Variants in FAM241A observed in about 807,000 individuals in gnomAD.
FAM241A encodes uncharacterized protein FAM241A.
A neutral mutation model predicts 12.2 loss-of-function variants in FAM241A; 7 were observed. That is an observed-to-expected ratio of 0.58 (90% CI 0.33 to 1.08). The LOEUF is 1.08. Ranked by LOEUF, FAM241A falls within the 50% of genes least tolerant of loss-of-function variation. The probability of loss-of-function intolerance (pLI) is 0.04; values close to 1 mark genes in which losing one functional copy is unlikely to be tolerated. For synonymous variants in FAM241A, 74 were observed against 68.2 expected, an observed-to-expected ratio of 1.08 and a Z score of -0.42; for missense variants, 161 against 169.7, an observed-to-expected ratio of 0.95 and a Z score of 0.29.
chr4:112,162,479 A>G (rs1723495982), intron 1 of FAM241A, among the ~76,000 whole-genome samples: 2 of 152,254 alleles, frequency 1.3e-5, no homozygotes, highest in Non-Finnish European at 2.9e-5. Context: ...ATACAAAATC[A>G]ATGTGCAAAA....
rs958796905 is a variant in FAM241A at position 112,187,094 on chromosome 4, C to T, written c.*156C>T. 124 of 754,548 alleles carry T rather than the reference C, an allele frequency of 1.6e-4. No homozygotes were observed. Among genetic ancestry groups the T allele is most frequent in the Non-Finnish European group, 2.5e-4 (115 of 460,192 alleles). 46.7% of individuals were successfully genotyped at this position (754,548 alleles called of 1,614,324 possible). On this transcript the variant is annotated 3_prime_UTR_variant, in exon 2 of 2. Transcript: ENST00000309733. ...ATTTATACATGGATGTCACTTAAAA[C>T]TAAACTCTTGATCATAACAGGGTTG...
chr4:112,162,891 C>T (rs1723507405), intron 1 of FAM241A, among the ~76,000 whole-genome samples: 1 of 152,292 alleles, frequency 6.6e-6, no homozygotes, highest in African/African-American at 2.4e-5. Context: ...GGAGGCATCA[C>T]ACTACCTGAC....
chr4:112,190,346 A>C lies in FAM241A; in HGVS notation c.*3408A>C, dbSNP rs995560364. On this transcript the variant is annotated 3_prime_UTR_variant, in exon 2 of 2. Coordinates refer to ENST00000309733, the MANE Select transcript of FAM241A (RefSeq NM_152400.3). The stretch of plus-strand genomic sequence containing the variant: ...AATTTCAGGTGTTTAAAATGCTTTC[A>C]TTACCAATTTATGGCTTTACAATTG... The C allele has an allele frequency of 1.3e-5, 2 of 152,058 alleles. No individual in the cohort carries two copies. The highest frequency in any genetic ancestry group is 2.9e-5 in the Non-Finnish European group (2 of 68,000). The allele number at this position is 152,058 out of a possible 1,614,324, so 9.4% of individuals were successfully genotyped here. A position where few individuals can be genotyped will look rare whatever the true frequency, so the allele number is the denominator to read the frequency against.
intron 1 of FAM241A, among the ~76,000 whole-genome samples, chr4:112,158,404 C>G (rs1419222051): frequency 6.6e-6 from 1 of 152,024 alleles, no homozygotes; most frequent in Non-Finnish European, 1.5e-5. Context: ...CTTTTTCTGG[C>G]TAGCATATAC....
chr4:112,175,082 T>TATC (rs1723793044), intron 1 of FAM241A, among the ~76,000 whole-genome samples: 1 of 152,220 alleles, frequency 6.6e-6, no homozygotes, highest in Non-Finnish European at 1.5e-5. Flanking sequence ...CTATTATTAT[T>TATC]ATCATCATCT....
At chr4:112,162,183 A>T (rs1039793978) in intron 1 of FAM241A, among the ~76,000 whole-genome samples, 8 of 152,250 alleles carry the variant, frequency 5.3e-5, no homozygotes, top group Non-Finnish European at 1.0e-4. Flanking sequence ...GCTATTTATG[A>T]CAGACCCACA....
At chr4:112,186,221 A>G (rs901478889) in intron 1 of FAM241A, among the ~76,000 whole-genome samples, 1 of 152,190 alleles carries the variant, frequency 6.6e-6, no homozygotes, top group Non-Finnish European at 1.5e-5. Flanking sequence ...TAGGGCATCT[A>G]TATAATGAAC....
chr4:112,150,020 A>G (rs923729268), intron 1 of FAM241A, among the ~76,000 whole-genome samples: 13 of 152,014 alleles, frequency 8.6e-5, no homozygotes, highest in Non-Finnish European at 1.5e-5. Context: ...CTTTCTATAC[A>G]TATTAAGAAA....
intron 1 of FAM241A, among the ~76,000 whole-genome samples, chr4:112,156,258 C>T (rs1723351149): frequency 6.6e-6 from 1 of 152,154 alleles, no homozygotes; most frequent in Non-Finnish European, 1.5e-5. Flanking sequence ...GCCTGGAACT[C>T]TTCCCCCAGA....
rs1199136790 is a variant in FAM241A, at chr4:112,188,871, G to A, written c.*1933G>A. 6.6e-6 allele frequency: 1 copy of A among 151,378 alleles called. No individual in the cohort carries two copies. The highest frequency in any genetic ancestry group is 1.9e-4 in the East Asian group (1 of 5,164). 9.4% of individuals were successfully genotyped at this position (151,378 alleles called of 1,614,324 possible). ...TACATCTGCACACTGGTGTTAATAGGGTATATATTAAATTATATAAAGAAA... is the reference window on the plus strand; with the variant it reads ...TACATCTGCACACTGGTGTTAATAGAGTATATATTAAATTATATAAAGAAA... On this transcript the variant is annotated 3_prime_UTR_variant, in exon 2 of 2. Transcript: ENST00000309733.
intron 1 of FAM241A, among the ~76,000 whole-genome samples, chr4:112,176,353 A>G (rs1289545517): frequency 6.6e-6 from 1 of 152,222 alleles, no homozygotes; most frequent in Non-Finnish European, 1.5e-5. Flanking sequence ...TGCTTATTCA[A>G]AAAGGTTTTA....
At chr4:112,160,443 A>G (rs542375588) in intron 1 of FAM241A, among the ~76,000 whole-genome samples, 24 of 151,856 alleles carry the variant, frequency 1.6e-4, no homozygotes, top group African/African-American at 5.8e-4. Context: ...ATGTTCATGG[A>G]TTGGAAGAAT....
chr4:112,147,565 A>G (rs1723164783), intron 1 of FAM241A, among the ~76,000 whole-genome samples: 1 of 152,244 alleles, frequency 6.6e-6, no homozygotes. Flanking sequence ...TGTAAATGAA[A>G]TTATGCATTG....
At position 112,192,567 on chromosome 4, in the gene FAM241A, A is replaced by G. The variant is rs1208427944; in HGVS notation, c.*5629A>G. 4 of 143,188 alleles carry G rather than the reference A, an allele frequency of 2.8e-5. No homozygotes were observed. Among genetic ancestry groups the G allele is most frequent in the Admixed American group, 2.2e-4 (3 of 13,378 alleles). 8.9% of individuals were successfully genotyped at this position (143,188 alleles called of 1,614,324 possible). On this transcript the variant is annotated 3_prime_UTR_variant, in exon 2 of 2. Coordinates refer to ENST00000309733, the MANE Select transcript of FAM241A (RefSeq NM_152400.3). The stretch of plus-strand genomic sequence containing the variant: ...TGTGTCCATGTGTTCTCATTGTTCA[A>G]TTCCCATCTATGAGTGAGAACATGT...
chr4:112,168,512 G>T (rs1446782749), intron 1 of FAM241A, among the ~76,000 whole-genome samples: 1 of 152,014 alleles, frequency 6.6e-6, no homozygotes, highest in African/African-American at 2.4e-5. Context: ...AAATATAAAT[G>T]GCATTTTCAT....
intron 1 of FAM241A, among the ~76,000 whole-genome samples, chr4:112,149,759 G>A (rs1050858037): frequency 6.6e-6 from 1 of 152,130 alleles, no homozygotes; most frequent in South Asian, 2.1e-4. Flanking sequence ...GCTGTTGCTG[G>A]AGAGGTTTAC....
At chr4:112,168,815 C>G (rs1161052060) in intron 1 of FAM241A, among the ~76,000 whole-genome samples, 1 of 152,066 alleles carries the variant, frequency 6.6e-6, no homozygotes, top group Non-Finnish European at 1.5e-5. Flanking sequence ...CAGGTGTGCA[C>G]CCCCACACCC....
chr4:112,183,122 C>G (rs1723974220), intron 1 of FAM241A, among the ~76,000 whole-genome samples: 1 of 151,974 alleles, frequency 6.6e-6, no homozygotes, highest in African/African-American at 2.4e-5. Context: ...AGGCATTAGC[C>G]TAGTGATTTT....
chr4:112,179,874 C>T (rs1017095038), intron 1 of FAM241A, among the ~76,000 whole-genome samples: 2 of 139,770 alleles, frequency 1.4e-5, no homozygotes, highest in Non-Finnish European at 3.0e-5. Context: ...GCAGAATCAA[C>T]CTAGGTGCCC....
Sources: gnomAD v4.1 joint callset for allele counts (sites outside exome capture counted in the v4.1 genomes callset) on GRCh38, gnomAD v4.1.1 for gene constraint, MANE v1.5 for transcripts, NCBI Gene and HGNC (gene_info 2026-07-23, HGNC 2026-07-21) for gene names.